The following RNF168 variants were observed in gnomAD, a reference collection of about 807,000 sequenced individuals.
RNF168 encodes ring finger protein 168.
RNF168 carries 34 observed loss-of-function variants against 34.9 expected under a neutral mutation model. The ratio of observed to expected loss-of-function variants is 0.97; its 90% CI spans 0.74 to 1.30. RNF168 has a LOEUF of 1.30. RNF168 is among the 50% of genes most tolerant of loss of function. The pLI is 0.00. For missense variants in RNF168, 725 were observed against 682.5 expected, an observed-to-expected ratio of 1.06 and a Z score of -0.69; for synonymous variants, 264 against 254.7, an observed-to-expected ratio of 1.04 and a Z score of -0.35.
chr3:196,496,445 G>A (rs1437847911), intron 1 of RNF168, among the ~76,000 whole-genome samples: 1 of 152,004 alleles, frequency 6.6e-6, no homozygotes, highest in African/African-American at 2.4e-5. Context: ...CCTTCTGTGC[G>A]TGTCTGTCTC....
intron 3 of RNF168, among the ~76,000 whole-genome samples, chr3:196,484,724 G>A (rs1318873299): frequency 6.6e-6 from 1 of 151,968 alleles, no homozygotes; most frequent in Non-Finnish European, 1.5e-5. Flanking sequence ...AGTGATCATA[G>A]CTCACTGTAG....
At position 196,472,563 on chromosome 3, in the gene RNF168, C is replaced by T. The variant is rs35405598; in HGVS notation, c.972G>A (p.Glu324=). The T allele has an allele frequency of 4.0e-3, 6,537 of 1,614,214 alleles. 230 individuals are homozygous for T. In the African/African-American group the frequency reaches 0.078, roughly 19 times the overall value. The change falls in exon 6 of 6, where the codon GAG becomes GAA. Residue 324 remains glutamate, a synonymous_variant. Coordinates refer to ENST00000318037, the MANE Select transcript of RNF168 (RefSeq NM_152617.4). The part of the protein sequence containing the change: ...VKTRPSNHGK[E]LCVLSHERPK... ...GTCGCTCGTGACTTAAGACACATAA[C>T]TCTTTCCCATGATTGCTTGGTCTTG... is the stretch of plus-strand genomic sequence containing the variant.
Position 196,475,270 on chromosome 3 carries a change from A to G in RNF168, c.723T>C (p.Ser241=). ...PKSQFGSASH[S]EAVQEVRKDS... is the part of the protein sequence containing the mutation. ...CTTTCCTGACTTCTTGTACAGCTTC[A>G]GAGTGTGAGGCTGACCCAAACTGAG... Residue 241 remains serine (S), a synonymous_variant, in exon 5 of 6, where the codon TCT becomes TCC. Coordinates refer to ENST00000318037, the MANE Select transcript of RNF168 (RefSeq NM_152617.4). 1.9e-6 allele frequency: 3 copies of G among 1,611,508 alleles called. No individual in the cohort carries two copies. The highest frequency in any genetic ancestry group is 1.1e-5 in the South Asian group (1 of 91,016).
chr3:196,488,513 T>C (rs983376557), intron 2 of RNF168, 94 bp downstream of exon 2: 2 of 721,896 alleles, frequency 2.8e-6, no homozygotes, highest in Non-Finnish European at 4.9e-6. Context: ...TTTCAAGATA[T>C]ACTAGTTATA....
At chr3:196,475,484 A>C (rs998351419) in intron 4 of RNF168, 172 bp from the exon 5 acceptor site, 1 of 626,858 alleles carries the variant, frequency 1.6e-6, no homozygotes, top group Non-Finnish European at 2.9e-6. Flanking sequence ...ACAAAACTTA[A>C]ATGATTGAGT....
At chr3:196,494,004 C>G (rs1004402735) in intron 1 of RNF168, among the ~76,000 whole-genome samples, 1 of 151,486 alleles carries the variant, frequency 6.6e-6, no homozygotes, top group Non-Finnish European at 1.5e-5. Flanking sequence ...AGGCGCCCAC[C>G]ACCACACCCG....
In RNF168 at chr3:196,472,567, T is replaced by C; in HGVS notation, c.968A>G (p.Lys323Arg). ...CTCGTGACTTAAGACACATAACTCT[T>C]TCCCATGATTGCTTGGTCTTGTTTT... ...NVKTRPSNHG[K>R]ELCVLSHERP... Residue 323 changes from lysine (K) to arginine (R), a missense_variant, in exon 6 of 6, where the codon AAA becomes AGA. Lys to Arg is a conservative substitution (Grantham distance 26). Coordinates refer to ENST00000318037, the MANE Select transcript of RNF168 (RefSeq NM_152617.4). The C allele has an allele frequency of 1.2e-6, 2 of 1,614,244 alleles. No individual in the cohort carries two copies. Among genetic ancestry groups the C allele is most frequent in the South Asian group, 1.1e-5 (1 of 91,092 alleles).
chr3:196,496,046 T>G (rs1052360244), intron 1 of RNF168, among the ~76,000 whole-genome samples: 3 of 152,244 alleles, frequency 2.0e-5, no homozygotes, highest in African/African-American at 7.2e-5. Flanking sequence ...TTATGTATTA[T>G]GTGTTAACAA....
chr3:196,495,722 G>C (rs189324391), intron 1 of RNF168, among the ~76,000 whole-genome samples: 1 of 152,248 alleles, frequency 6.6e-6, no homozygotes, highest in East Asian at 1.9e-4. Context: ...TCTGTAAGAT[G>C]ATATTTTCAG....
chr3:196,493,710 A>G (rs1577520339), intron 1 of RNF168, among the ~76,000 whole-genome samples: 1 of 152,050 alleles, frequency 6.6e-6, no homozygotes, highest in South Asian at 2.1e-4. Context: ...TAATTTTAGT[A>G]GAGACGGGGG....
intron 5 of RNF168, among the ~76,000 whole-genome samples, chr3:196,473,337 C>G (rs141911178): frequency 5.3e-5 from 8 of 152,208 alleles, no homozygotes; most frequent in South Asian, 2.1e-4. Flanking sequence ...ACAAAAGGAA[C>G]AATTTATGTT....
intron 3 of RNF168, among the ~76,000 whole-genome samples, chr3:196,486,650 G>C (rs1732431203): frequency 1.3e-5 from 2 of 152,238 alleles, no homozygotes; most frequent in Admixed American, 1.3e-4. Context: ...AAAGTTGTAA[G>C]AAACTGTTAA....
chr3:196,477,450 T>A (rs1444579501), intron 4 of RNF168, among the ~76,000 whole-genome samples: 1 of 152,246 alleles, frequency 6.6e-6, no homozygotes, highest in African/African-American at 2.4e-5. Context: ...ATATTCCTTA[T>A]GGGCAAACAA....
At chr3:196,501,290 G>T (rs1732878776) in intron 1 of RNF168, among the ~76,000 whole-genome samples, 1 of 151,994 alleles carries the variant, frequency 6.6e-6, no homozygotes, top group African/African-American at 2.4e-5. Flanking sequence ...TGTTCGTATC[G>T]CCAGTATTCA....
chr3:196,488,323 T>C (rs903755906), intron 2 of RNF168, among the ~76,000 whole-genome samples: 2 of 151,628 alleles, frequency 1.3e-5, no homozygotes, highest in Admixed American at 1.3e-4. Flanking sequence ...CTACTAAAAA[T>C]ACAAAAAAAT....
chr3:196,499,290 G>A (rs1732824288), intron 1 of RNF168, among the ~76,000 whole-genome samples: 2 of 152,070 alleles, frequency 1.3e-5, no homozygotes, highest in Admixed American at 1.3e-4. Context: ...GGAACACCAT[G>A]GATTCCAGCC....
At chr3:196,483,495 C>A (rs9877312) in intron 4 of RNF168, among the ~76,000 whole-genome samples, 3,260 of 152,134 alleles carry the variant, frequency 0.021, 121 homozygotes, top group African/African-American at 0.075. Context: ...TGAATTTAAA[C>A]CAAGAGAAAG....
At chr3:196,478,242 C>T (rs982094252) in intron 4 of RNF168, among the ~76,000 whole-genome samples, 3 of 152,020 alleles carry the variant, frequency 2.0e-5, no homozygotes, top group African/African-American at 4.8e-5. Flanking sequence ...TGCCTCCTTA[C>T]GTATTTTAAG....
At chr3:196,487,721 TA>T in intron 2 of RNF168, 143 bp from the exon 3 acceptor site, 2 of 837,914 alleles carry the variant, frequency 2.4e-6, no homozygotes. Flanking sequence ...TCTGGAGAAG[TA>T]GATTCCTGCA....
Sources: gnomAD v4.1 joint callset for allele counts (sites outside exome capture counted in the v4.1 genomes callset) on GRCh38, gnomAD v4.1.1 for gene constraint, MANE v1.5 for transcripts, NCBI Gene and HGNC (gene_info 2026-07-23, HGNC 2026-07-21) for gene names.